SGCD: variants seen among roughly 807,000 people sequenced by gnomAD.
The protein encoded by SGCD is delta-sarcoglycan.
Under a neutral mutation model 36.6 loss-of-function variants are expected in SGCD, and 18 were observed. The observed-to-expected ratio is 0.49, with a 90% CI of 0.34 to 0.73. SGCD has a LOEUF of 0.73. SGCD is among the 30% of genes least tolerant of loss of function. The probability of loss-of-function intolerance (pLI) is 0.01; values close to 1 mark genes in which losing one functional copy is unlikely to be tolerated. For missense variants in SGCD, 387 were observed against 346.7 expected, an observed-to-expected ratio of 1.12 and a Z score of -0.92; for synonymous variants, 133 against 130.6, an observed-to-expected ratio of 1.02 and a Z score of -0.12.
At chr5:155,976,735 A>G (rs1758120925) in intron 1 of SGCD, among the ~76,000 whole-genome samples, 1 of 152,104 alleles carries the variant, frequency 6.6e-6, no homozygotes, top group African/African-American at 2.4e-5. Flanking sequence ...GACCAAGTGA[A>G]AGGCAACGGG....
chr5:156,326,347 T>C (rs2127699020), upstream of SGCD, among the ~76,000 whole-genome samples: 1 of 152,336 alleles, frequency 6.6e-6, no homozygotes, highest in South Asian at 2.1e-4. Context: ...TCAAAGTACA[T>C]TCTTTTCTCT....
intron 3 of SGCD, among the ~76,000 whole-genome samples, chr5:156,381,880 T>C (rs1054140131): frequency 2.4e-4 from 37 of 152,150 alleles, no homozygotes; most frequent in Admixed American, 1.4e-3. Context: ...TTCTCATCCA[T>C]AAAAATGGGA....
intron 3 of SGCD, among the ~76,000 whole-genome samples, chr5:156,281,365 T>C (rs1581215721): frequency 6.6e-6 from 1 of 152,144 alleles, no homozygotes; most frequent in African/African-American, 2.4e-5. Flanking sequence ...ATTTTATGAA[T>C]GTAATGCAAG....
the SGCD span, among the ~76,000 whole-genome samples, chr5:155,732,118 G>A: frequency 6.6e-6 from 1 of 152,132 alleles, no homozygotes; most frequent in Non-Finnish European, 1.5e-5. Context: ...CTTGTCAGGG[G>A]CTTTCACAAC....
chr5:156,140,893 T>C (rs191146209), intron 3 of SGCD, among the ~76,000 whole-genome samples: 1 of 152,288 alleles, frequency 6.6e-6, no homozygotes, highest in Non-Finnish European at 1.5e-5. Context: ...TTCACATATC[T>C]TTGAGGCTGC....
chr5:156,537,881 C>T (rs953772013), intron 4 of SGCD, among the ~76,000 whole-genome samples: 2 of 151,934 alleles, frequency 1.3e-5, no homozygotes, highest in Non-Finnish European at 2.9e-5. Context: ...GATACTTCTG[C>T]TTTCCCTTCT....
chr5:156,686,680 T>A (rs2113695910), intron 7 of SGCD, among the ~76,000 whole-genome samples: 1 of 152,308 alleles, frequency 6.6e-6, no homozygotes, highest in South Asian at 2.1e-4. Context: ...TAAATTTCCT[T>A]TAGATCCATC....
intron 3 of SGCD, among the ~76,000 whole-genome samples, chr5:156,447,118 G>A (rs1023279229): frequency 1.3e-5 from 2 of 152,118 alleles, no homozygotes; most frequent in Non-Finnish European, 2.9e-5. Context: ...GGAATTTCAC[G>A]GCGTTTTATT....
At chr5:156,474,541 G>A (rs545346259) in intron 3 of SGCD, among the ~76,000 whole-genome samples, 1 of 152,328 alleles carries the variant, frequency 6.6e-6, no homozygotes, top group African/African-American at 2.4e-5. Context: ...GCCACTCCAA[G>A]CTTGCCGACA....
chr5:156,489,129 G>C (rs565037791), intron 3 of SGCD, among the ~76,000 whole-genome samples: 2 of 151,984 alleles, frequency 1.3e-5, no homozygotes, highest in African/African-American at 4.8e-5. Context: ...AAGAGACAAA[G>C]ATGATCATTA....
intron 3 of SGCD, among the ~76,000 whole-genome samples, chr5:156,211,805 A>G (rs1424646932): frequency 3.9e-5 from 6 of 152,304 alleles, no homozygotes; most frequent in Non-Finnish European, 5.9e-5. Context: ...AGCAATAGCT[A>G]TAATAATTTT....
At chr5:156,042,299 T>C (rs894226602) in intron 1 of SGCD, among the ~76,000 whole-genome samples, 1 of 151,960 alleles carries the variant, frequency 6.6e-6, no homozygotes, top group African/African-American at 2.4e-5. Context: ...ATGACAAAAC[T>C]GAAGAACTGA....
In SGCD at chr5:156,350,401, G is replaced by A. The variant is rs376266175; in HGVS notation, c.192+5724G>A. 6.5e-4 allele frequency among the ~76,000 whole-genome samples: 99 copies of A among 151,724 alleles called. No individual in the cohort carries two copies. The South Asian group carries it at 0.02, about 30-fold the overall frequency. ...CTGTGTAATGACGAACTATAAGAAC[G>A]ATGTCATCTGAAAGTGTTTGTGAAA... On this transcript the variant is annotated intron_variant, in intron 3 of 8. Transcript: ENST00000337851.
chr5:156,256,650 C>T (rs1222403945), intron 3 of SGCD, among the ~76,000 whole-genome samples: 2 of 152,144 alleles, frequency 1.3e-5, no homozygotes, highest in African/African-American at 4.8e-5. Flanking sequence ...TTTTGATTGA[C>T]ATACATTTTA....
chr5:156,527,251 T>C (rs1757682377), intron 4 of SGCD, among the ~76,000 whole-genome samples: 1 of 152,108 alleles, frequency 6.6e-6, no homozygotes, highest in Non-Finnish European at 1.5e-5. Flanking sequence ...TACAGTAACA[T>C]AGTCACAAAA....
intron 4 of SGCD, among the ~76,000 whole-genome samples, chr5:156,554,988 T>C (rs111801109): frequency 4.5e-4 from 68 of 152,338 alleles, no homozygotes; most frequent in African/African-American, 1.5e-3. Flanking sequence ...TCACTAATGA[T>C]GTTACACATC....
chr5:156,480,944 T>A (rs1412949545), intron 3 of SGCD, among the ~76,000 whole-genome samples: 1 of 152,188 alleles, frequency 6.6e-6, no homozygotes, highest in Non-Finnish European at 1.5e-5. Flanking sequence ...GGAGGAGTGC[T>A]ATAAAGTAAT....
chr5:155,853,201 T>C, the SGCD span, among the ~76,000 whole-genome samples: 1 of 150,022 alleles, frequency 6.7e-6, no homozygotes, highest in Non-Finnish European at 1.5e-5. Flanking sequence ...TAACAGTTGA[T>C]TGTTAGCATG....
chr5:156,564,448 TCAAAA>T (rs900672949), intron 4 of SGCD, among the ~76,000 whole-genome samples: 6 of 152,056 alleles, frequency 3.9e-5, no homozygotes, highest in African/African-American at 9.7e-5. Context: ...AGACTCCATC[TCAAAA>T]CAAAACAAAA....
Sources: allele counts gnomAD v4.1 joint callset (sites outside exome capture counted in the v4.1 genomes callset), GRCh38; gene constraint gnomAD v4.1.1; transcripts MANE v1.5; gene names NCBI Gene and HGNC (gene_info 2026-07-23, HGNC 2026-07-21).